Variants in NEK1 observed in about 807,000 individuals in gnomAD.
NEK1 encodes NIMA related kinase 1, also known as serine/threonine-protein kinase Nek1.
NEK1 carries 137 observed loss-of-function variants against 182.1 expected under a neutral mutation model. The observed-to-expected ratio is 0.75, with a 90% confidence interval of 0.65 to 0.87. The LOEUF (loss-of-function observed/expected upper bound fraction) is 0.87. NEK1 is among the 40% of genes least tolerant of loss of function. The pLI is 0.00. For synonymous variants in NEK1, 513 were observed against 492.2 expected (o/e 1.04, Z -0.56); for missense variants, 1,391 against 1,494.4 (o/e 0.93, Z 1.14).
Position 169,428,351 on chromosome 4 carries a change from G to GACATATATATATAT in NEK1, c.2886-2118_2886-2117insATATATATATATGT, listed in dbSNP as rs71590009. ...ACTGATGAATTATAAAAATATATGG[G>GACATATATATATAT]ATATATATATATATATATATAATGG... On this transcript the variant is annotated intron_variant, in intron 29 of 35. Transcript: ENST00000507142. 3.2e-5 allele frequency among the ~76,000 whole-genome samples: 3 copies of GACATATATATATAT among 93,224 alleles called. No individual in the cohort carries two copies. In the South Asian group the frequency reaches 1.4e-3, roughly 43 times the overall value. The allele number at this position is 93,224 out of a possible 152,430, so 61.2% of individuals were successfully genotyped here. A position where few individuals can be genotyped will look rare whatever the true frequency, so the allele number is the denominator to read the frequency against.
chr4:169,463,908 T>C (rs1029759299), intron 26 of NEK1, among the ~76,000 whole-genome samples: 3 of 152,124 alleles, frequency 2.0e-5, no homozygotes, highest in Non-Finnish European at 2.9e-5. Flanking sequence ...GCTGGGATTA[T>C]AGGTGTGAAC....
At chr4:169,607,857 C>T (rs1451393220) in intron 2 of NEK1, among the ~76,000 whole-genome samples, 1 of 151,950 alleles carries the variant, frequency 6.6e-6, no homozygotes, top group Non-Finnish European at 1.5e-5. Flanking sequence ...AGACAGGACA[C>T]AGCAGAAGGC....
intron 27 of NEK1, among the ~76,000 whole-genome samples, chr4:169,459,360 T>C (rs1172959263): frequency 6.6e-6 from 1 of 152,076 alleles, no homozygotes; most frequent in Non-Finnish European, 1.5e-5. Flanking sequence ...GCAACTAAAA[T>C]AACCAAAATC....
Position 169,585,491 on chromosome 4 carries a change from G to T in NEK1, c.665C>A (p.Pro222His). 3 of 1,613,480 alleles carry T rather than the reference G, an allele frequency of 1.9e-6. No individual in the cohort carries two copies. The highest frequency in any genetic ancestry group is 2.5e-6 in the Non-Finnish European group (3 of 1,179,628). ...VLKIISGSFP[P>H]VSLHYSYDLR... ...ATCATAGGAATAATGCAAAGACACA[G>T]GTGGAAAAGATCCAGATATTATCTT... Residue 222 changes from proline to histidine, a missense_variant, in exon 10 of 36, where the codon CCT becomes CAT. Around this residue, in one of 5 missense-constraint regions of NEK1, gnomAD observed 1,216 missense variants for 1,277.6 expected, o/e 0.95. Transcript: ENST00000507142.
chr4:169,457,835 G>A (rs889765262), intron 27 of NEK1, among the ~76,000 whole-genome samples: 1 of 151,582 alleles, frequency 6.6e-6, no homozygotes, highest in Admixed American at 6.6e-5. Flanking sequence ...TCCTAAAACT[G>A]ACAGGGGAAA....
At position 169,458,701 on chromosome 4, in the gene NEK1, AC is replaced by A. The variant is rs1262610052; in HGVS notation, c.2587+4541del. Among the ~76,000 whole-genome samples the A allele has an allele frequency of 4.6e-5, 7 of 151,848 alleles. No homozygotes were observed. The East Asian group carries it at 9.7e-4, about 21-fold the overall frequency. ...AAATTAGCCAGGCATGGTGGTGCATACCTGTTGTCCTAGCTATTCAGGAAGT... is the reference window on the plus strand; with the variant it reads ...AAATTAGCCAGGCATGGTGGTGCATACTGTTGTCCTAGCTATTCAGGAAGT... On this transcript the variant is annotated intron_variant, in intron 27 of 35. Coordinates refer to ENST00000507142, the MANE Select transcript of NEK1 (RefSeq NM_001199397.3).
intron 32 of NEK1, among the ~76,000 whole-genome samples, chr4:169,403,761 T>A (rs1732088762): frequency 6.6e-6 from 1 of 152,080 alleles, no homozygotes; most frequent in Admixed American, 6.6e-5. Flanking sequence ...ATGAGAAGAT[T>A]AAGATCTTTT....
chr4:169,543,192 A>C lies in NEK1; in HGVS notation c.1563-5281T>G, dbSNP rs190634839. ...AGATGTAAGGAGGGGATCCAGTCTCAGCTTTCTGCATATGGCTAGCCAGTT... is the reference window on the plus strand; with the variant it reads ...AGATGTAAGGAGGGGATCCAGTCTCCGCTTTCTGCATATGGCTAGCCAGTT... On this transcript the variant is annotated intron_variant, in intron 18 of 35. Coordinates refer to ENST00000507142, the MANE Select transcript of NEK1 (RefSeq NM_001199397.3). Among the ~76,000 whole-genome samples the C allele has an allele frequency of 4.6e-5, 7 of 152,282 alleles. No individual in the cohort carries two copies. The East Asian group carries it at 7.7e-4, about 17-fold the overall frequency.
chr4:169,433,614 TTG>T lies in NEK1; in HGVS notation c.2814_2815del (p.Asn938LysfsTer3), dbSNP rs1266550909. 8.1e-6 allele frequency: 13 copies of T among 1,613,414 alleles called. No individual in the cohort carries two copies. Among genetic ancestry groups the T allele is most frequent in the Non-Finnish European group, 1.1e-5 (13 of 1,179,516 alleles). ...AATAGTGCATGGCAAGCTCTCATCT[TTG>T]TTTGTTCCACTTGGCTCTTGTAGAA... On this transcript the variant is annotated frameshift_variant, in exon 29 of 36. Transcript: ENST00000507142. LOFTEE classifies it high-confidence loss of function.
chr4:169,490,791 C>A (rs1029350878), intron 23 of NEK1, among the ~76,000 whole-genome samples: 5 of 151,724 alleles, frequency 3.3e-5, no homozygotes, highest in Admixed American at 6.6e-5. Flanking sequence ...GTGAAGAAAG[C>A]CTATAGGAAT....
At chr4:169,481,851 T>C (rs1310981390) in intron 23 of NEK1, among the ~76,000 whole-genome samples, 2 of 152,232 alleles carry the variant, frequency 1.3e-5, no homozygotes, top group East Asian at 3.8e-4. Flanking sequence ...AAGCCAGCTA[T>C]TGACTTCTCT....
intron 27 of NEK1, among the ~76,000 whole-genome samples, chr4:169,459,898 C>T (rs1198632794): frequency 6.6e-6 from 1 of 152,012 alleles, no homozygotes; most frequent in East Asian, 2.0e-4. Flanking sequence ...ATAATATAAG[C>T]AGAGCACAGG....
In NEK1 at chr4:169,561,703, C is replaced by G; in HGVS notation, c.1175G>C (p.Arg392Thr). The G allele has an allele frequency of 6.4e-7, 1 of 1,569,058 alleles. No homozygotes were observed. The highest frequency in any genetic ancestry group is 8.7e-7 in the Non-Finnish European group (1 of 1,155,618). ...ISLMKAEQMK[R>T]QEKERLERIN... is the part of the protein sequence containing the mutation. ...TCCTCTTACCCTTTCCTTTTCTTGC[C>G]TTTTCATTTGTTCAGCCTTCATTAA... Residue 392 changes from arginine to threonine, a missense_variant, in exon 15 of 36, where the codon AGG becomes ACG. Coordinates refer to ENST00000507142, the MANE Select transcript of NEK1 (RefSeq NM_001199397.3).
intron 35 of NEK1, among the ~76,000 whole-genome samples, chr4:169,399,010 G>T (rs185861754): frequency 6.6e-6 from 1 of 152,142 alleles, no homozygotes; most frequent in Non-Finnish European, 1.5e-5. Context: ...CACTTTGGGA[G>T]GCCAAGGAGG....
intron 27 of NEK1, among the ~76,000 whole-genome samples, chr4:169,461,976 A>T (rs992306858): frequency 1.3e-5 from 2 of 152,120 alleles, no homozygotes; most frequent in African/African-American, 2.4e-5. Flanking sequence ...GTGCAAATGG[A>T]TTATGATGAA....
At chr4:169,479,194 T>C (rs1283404527) in intron 24 of NEK1, among the ~76,000 whole-genome samples, 1 of 152,166 alleles carries the variant, frequency 6.6e-6, no homozygotes, top group Admixed American at 6.5e-5. Flanking sequence ...GTTATTGTGA[T>C]ATATTTTCAT....
chr4:169,509,191 C>T (rs200507228), intron 19 of NEK1, among the ~76,000 whole-genome samples: 1 of 152,084 alleles, frequency 6.6e-6, no homozygotes, highest in Non-Finnish European at 1.5e-5. Flanking sequence ...TTTTCCTCTA[C>T]AAACAGCCAA....
chr4:169,526,249 T>A (rs1029412282), intron 19 of NEK1, among the ~76,000 whole-genome samples: 2 of 152,158 alleles, frequency 1.3e-5, no homozygotes, highest in African/African-American at 4.8e-5. Flanking sequence ...AGTATTTTGG[T>A]AGACTGACAT....
intron 19 of NEK1, among the ~76,000 whole-genome samples, chr4:169,515,613 T>C (rs929586899): frequency 1.6e-5 from 2 of 125,500 alleles, no homozygotes; most frequent in African/African-American, 6.0e-5. Flanking sequence ...TAATGTGTCA[T>C]CTAGCATTAG....
Sources: gnomAD v4.1 joint callset for allele counts (sites outside exome capture counted in the v4.1 genomes callset) on GRCh38, gnomAD v4.1.1 for gene constraint, gnomAD v4.1.1 regional missense constraint, MANE v1.5 for transcripts, NCBI Gene and HGNC (gene_info 2026-07-23, HGNC 2026-07-21) for gene names.